CD163L1: variants seen among roughly 807,000 people sequenced by gnomAD.
The protein encoded by CD163L1 is scavenger receptor cysteine-rich type 1 protein M160.
A neutral mutation model predicts 165.4 loss-of-function variants in CD163L1; 124 were observed. That is an observed-to-expected ratio of 0.75 (90% confidence interval 0.65 to 0.87). The LOEUF (loss-of-function observed/expected upper bound fraction) is 0.87, where lower values mean the gene tolerates loss of function less well. CD163L1 is among the 40% of genes least tolerant of loss of function. The pLI is 0.00. For synonymous variants in CD163L1, 585 were observed against 662.2 expected, an observed-to-expected ratio of 0.88 and a Z score of 1.79; for missense variants, 1,525 against 1,799.9, an observed-to-expected ratio of 0.85 and a Z score of 2.76.
intron 9 of CD163L1, among the ~76,000 whole-genome samples, chr12:7,377,088 C>T (rs7958782): frequency 0.39 from 58,951 of 151,972 alleles, 13,049 homozygotes; most frequent in African/African-American, 0.58. Flanking sequence ...GTTTTACTTA[C>T]TGCTCTTCAG....
chr12:7,341,273 A>G, the CD163L1 span, among the ~76,000 whole-genome samples: 1 of 152,176 alleles, frequency 6.6e-6, no homozygotes, highest in African/African-American at 2.4e-5. Flanking sequence ...GGGACATTTG[A>G]CGACTTTCAG....
intron 4 of CD163L1, among the ~76,000 whole-genome samples, chr12:7,409,328 C>T (rs1948087856): frequency 6.6e-6 from 1 of 151,938 alleles, no homozygotes; most frequent in African/African-American, 2.4e-5. Flanking sequence ...CAAAGGAGAC[C>T]CTCAATAACA....
chr12:7,420,593 C>G (rs143262670), intron 4 of CD163L1, among the ~76,000 whole-genome samples: 1 of 151,768 alleles, frequency 6.6e-6, no homozygotes, highest in South Asian at 2.1e-4. Flanking sequence ...AAATGACCAA[C>G]AAAGATGAAA....
rs756557520 is a variant in CD163L1, at chr12:7,374,606, GCCACTCCACAGCCCAGCTTTTGACACA to G, written c.3218_3244del (p.Val1073_Val1081del). ...GTGAGCAGAGACCGTGGCATTGAAGGCCACTCCACAGCCCAGCTTTTGACACACCACGTGGGCATCGCTCAGGTCCCA... is the reference window on the plus strand; with the variant it reads ...GTGAGCAGAGACCGTGGCATTGAAGGCCACGTGGGCATCGCTCAGGTCCCA... On this transcript the variant is annotated inframe_deletion, in exon 13 of 20. Transcript: ENST00000313599. This position sits in a 1 kb window ranked among gnomAD's most constrained non-coding sequence, Gnocchi z 5.4. 1.2e-6 allele frequency: 2 copies of G among 1,614,200 alleles called. No homozygotes were observed. The highest frequency in any genetic ancestry group is 1.7e-6 in the Non-Finnish European group (2 of 1,180,036).
the CD163L1 span, among the ~76,000 whole-genome samples, chr12:7,332,547 C>G: frequency 6.6e-6 from 1 of 152,222 alleles, no homozygotes; most frequent in East Asian, 1.9e-4. Context: ...GGTCAGGTTA[C>G]CCACAAAGGG....
downstream of CD163L1, among the ~76,000 whole-genome samples, chr12:7,353,433 T>G (rs7309359): frequency 0.17 from 26,123 of 149,906 alleles, 2,367 homozygotes; most frequent in South Asian, 0.31. Context: ...CCAATGAAAC[T>G]TAAGGAAGAC....
chr12:7,391,422 C>T (rs767122269), intron 8 of CD163L1, among the ~76,000 whole-genome samples: 15 of 151,944 alleles, frequency 9.9e-5, no homozygotes, highest in African/African-American at 2.2e-4. Context: ...CAAACTTCTC[C>T]GAGCTAAAGG....
downstream of CD163L1, among the ~76,000 whole-genome samples, chr12:7,351,740 C>T (rs961201894): frequency 1.3e-5 from 2 of 152,068 alleles, no homozygotes; most frequent in African/African-American, 2.4e-5. Context: ...AACCAGGGCT[C>T]CTTGGAAAGG....
Position 7,367,322 on chromosome 12 carries a change from C to T in CD163L1, c.4193G>A (p.Arg1398Lys), listed in dbSNP as rs1270931411. 6.2e-7 allele frequency: 1 copy of T among 1,610,408 alleles called. No individual in the cohort carries two copies. The highest frequency in any genetic ancestry group is 8.5e-7 in the Non-Finnish European group (1 of 1,176,900). ...QKHLPLRVST[R>K]RRGSLEENLF... ...ATTCTCCTCGAGAGAACCCCTCCTT[C>T]TGGTTGAAACTGAGAATGGATGCTT... Residue 1398 changes from arginine to lysine, a missense_variant, in exon 18 of 20, where the codon AGA becomes AAA. Transcript: ENST00000313599.
intron 4 of CD163L1, among the ~76,000 whole-genome samples, chr12:7,409,078 G>C (rs755112907): frequency 3.9e-4 from 59 of 152,224 alleles, no homozygotes; most frequent in Admixed American, 2.8e-3. Flanking sequence ...CCTACAGATG[G>C]AATTAGCATT....
intron 19 of CD163L1, among the ~76,000 whole-genome samples, chr12:7,355,880 A>G (rs766108990): frequency 2.6e-5 from 4 of 152,278 alleles, no homozygotes; most frequent in African/African-American, 9.6e-5. Context: ...TATCTTGATC[A>G]TGGACTTCTG....
At chr12:7,359,545 T>C (rs1946850234) in intron 18 of CD163L1, among the ~76,000 whole-genome samples, 1 of 152,124 alleles carries the variant, frequency 6.6e-6, no homozygotes, top group African/African-American at 2.4e-5. Context: ...TAAAAGATTT[T>C]CTCAGACAAA....
chr12:7,378,704 C>G (rs1461333372), intron 9 of CD163L1, among the ~76,000 whole-genome samples: 3 of 152,180 alleles, frequency 2.0e-5, no homozygotes, highest in Non-Finnish European at 4.4e-5. Flanking sequence ...TATCACTTCA[C>G]AGAAATATTC....
chr12:7,374,494 G>C lies in CD163L1; in HGVS notation c.3357C>G (p.Gly1119=), dbSNP rs1413716784. ...TGTGCCTGCAGTCGTGCTGCCCCCA[G>C]CCGCGGGAAGGGCACTGCCACAAGT... is the stretch of plus-strand genomic sequence containing the variant. The part of the protein sequence containing the change: ...ESHLWQCPSR[G]WGQHDCRHKE... Residue 1119 remains glycine, a synonymous_variant, in exon 13 of 20, where the codon GGC becomes GGG. Transcript: ENST00000313599. This position sits in a 1 kb window ranked among gnomAD's most constrained non-coding sequence, Gnocchi z 5.4. 1 of 1,614,194 alleles carries C rather than the reference G, an allele frequency of 6.2e-7. No individual in the cohort carries two copies. Among genetic ancestry groups the C allele is most frequent in the East Asian group, 2.2e-5 (1 of 44,876 alleles).
Position 7,369,496 on chromosome 12 carries a change from C to T in CD163L1, c.3900G>A (p.Ser1300=), listed in dbSNP as rs747866013. ...GSALAALRDA[S]FGQGTGTIWL... ...AGATGGTTCCAGTTCCCTGGCCAAA[C>T]GAAGCGTCCCTCAGGGCAGCCAGAG... The change falls in exon 15 of 20, where the codon TCG becomes TCA. Residue 1300 remains serine (S), a synonymous_variant. Transcript: ENST00000313599. The surrounding 1 kb of genome is among the most constrained non-coding windows in gnomAD (Gnocchi z 4.9). 10 of 1,614,178 alleles carry T rather than the reference C, an allele frequency of 6.2e-6. No individual in the cohort carries two copies. Among genetic ancestry groups the T allele is most frequent in the African/African-American group, 1.3e-5 (1 of 75,046 alleles).
At chr12:7,410,842 A>T (rs1948125558) in intron 4 of CD163L1, among the ~76,000 whole-genome samples, 1 of 149,038 alleles carries the variant, frequency 6.7e-6, no homozygotes, top group African/African-American at 2.4e-5. Context: ...AAAAATAAAA[A>T]ATAAATATAA....
At chr12:7,359,118 A>G (rs1324533315) in intron 18 of CD163L1, among the ~76,000 whole-genome samples, 11 of 152,152 alleles carry the variant, frequency 7.2e-5, no homozygotes, top group Non-Finnish European at 1.2e-4. Flanking sequence ...CAAAAGATGT[A>G]ACAGACATAC....
At chr12:7,353,260 G>A (rs936454676), downstream of CD163L1, among the ~76,000 whole-genome samples, 2 of 151,916 alleles carry the variant, frequency 1.3e-5, no homozygotes, top group Non-Finnish European at 2.9e-5. Context: ...TAATATAAAT[G>A]ATCCGTCTTA....
chr12:7,382,825 G>T (rs1033612736), intron 8 of CD163L1, among the ~76,000 whole-genome samples: 1 of 152,148 alleles, frequency 6.6e-6, no homozygotes, highest in African/African-American at 2.4e-5. Context: ...CATGTCTAGA[G>T]CCCCACTGAT....
Sources: allele counts gnomAD v4.1 joint callset (sites outside exome capture counted in the v4.1 genomes callset), GRCh38; gene constraint gnomAD v4.1.1; non-coding constraint Gnocchi (gnomAD v3.1); transcripts MANE v1.5; gene names NCBI Gene and HGNC (gene_info 2026-07-23, HGNC 2026-07-21).